The following RBMS1 variants were observed in gnomAD, a reference collection of about 807,000 sequenced individuals.
The protein encoded by RBMS1 is RNA-binding motif, single-stranded-interacting protein 1.
Under a neutral mutation model 62.3 loss-of-function variants are expected in RBMS1, and 17 were observed. That is an observed-to-expected ratio of 0.27 (90% confidence interval 0.19 to 0.41). The LOEUF is 0.41. Ranked by LOEUF, RBMS1 falls within the 10% of genes least tolerant of loss-of-function variation. RBMS1 has a pLI of 1.00. For synonymous variants in RBMS1, 172 were observed against 170.0 expected, an observed-to-expected ratio of 1.01 and a Z score of -0.09; for missense variants, 334 against 504.5, an observed-to-expected ratio of 0.66 and a Z score of 3.24.
chr2:160,479,067 CA>C (rs1685258176), intron 1 of RBMS1, among the ~76,000 whole-genome samples: 1 of 152,108 alleles, frequency 6.6e-6, no homozygotes, highest in Non-Finnish European at 1.5e-5. Context: ...TGTTGTTGAC[CA>C]AACTAATTAC....
intron 2 of RBMS1, among the ~76,000 whole-genome samples, chr2:160,347,262 A>C (rs1299015032): frequency 6.6e-6 from 1 of 152,156 alleles, no homozygotes; most frequent in Non-Finnish European, 1.5e-5. Context: ...AAATGGTTTA[A>C]AGTTTCAGTG....
At chr2:160,464,214 CAT>C (rs1292206544) in intron 1 of RBMS1, among the ~76,000 whole-genome samples, 2 of 152,138 alleles carry the variant, frequency 1.3e-5, no homozygotes, top group Non-Finnish European at 2.9e-5. Flanking sequence ...GGCACCATGA[CAT>C]ATCTGTAACT....
At chr2:160,276,993 T>C (rs1157446970) in intron 12 of RBMS1, among the ~76,000 whole-genome samples, 1 of 152,186 alleles carries the variant, frequency 6.6e-6, no homozygotes, top group East Asian at 1.9e-4. Context: ...TCTTCCTGCC[T>C]CATACTCCTG....
At chr2:160,361,932 C>T (rs907338670) in intron 2 of RBMS1, among the ~76,000 whole-genome samples, 21 of 152,236 alleles carry the variant, frequency 1.4e-4, no homozygotes, top group Admixed American at 2.0e-4. Flanking sequence ...CTGCTGATGG[C>T]TGCTGACTGA....
intron 1 of RBMS1, among the ~76,000 whole-genome samples, chr2:160,404,001 CAA>C (rs909376399): frequency 1.3e-5 from 2 of 152,162 alleles, no homozygotes; most frequent in Non-Finnish European, 2.9e-5. Context: ...TTCATAGCTA[CAA>C]AAGTCCTGAT....
intron 8 of RBMS1, 25 bp from the exon 9 acceptor site, chr2:160,284,893 T>G: frequency 6.4e-7 from 1 of 1,573,960 alleles, no homozygotes; most frequent in Non-Finnish European, 8.7e-7. Context: ...AAAGCCTTTA[T>G]TAAGTAATCC....
chr2:160,376,025 A>G (rs1284760299), intron 1 of RBMS1, among the ~76,000 whole-genome samples: 1 of 152,104 alleles, frequency 6.6e-6, no homozygotes, highest in Non-Finnish European at 1.5e-5. Flanking sequence ...AGGGCTGACA[A>G]CTTCCTCCCA....
At chr2:160,395,568 G>A (rs1481845444) in intron 1 of RBMS1, among the ~76,000 whole-genome samples, 1 of 147,040 alleles carries the variant, frequency 6.8e-6, no homozygotes, top group Non-Finnish European at 1.5e-5. Flanking sequence ...AGCTTGCAGT[G>A]AGCTGAGATC....
At chr2:160,406,496 A>C (rs1214559382) in intron 1 of RBMS1, among the ~76,000 whole-genome samples, 1 of 152,260 alleles carries the variant, frequency 6.6e-6, no homozygotes, top group Non-Finnish European at 1.5e-5. Context: ...TCAGTGGCTA[A>C]GGATGCAGAC....
chr2:160,288,007 G>A (rs1688491870), intron 6 of RBMS1, among the ~76,000 whole-genome samples: 1 of 149,480 alleles, frequency 6.7e-6, no homozygotes. Context: ...AGCAGAAGAT[G>A]TAGAGAATAT....
chr2:160,438,098 C>T (rs1345260166), intron 1 of RBMS1, among the ~76,000 whole-genome samples: 5 of 152,200 alleles, frequency 3.3e-5, no homozygotes, highest in African/African-American at 1.2e-4. Flanking sequence ...TTGATACCCT[C>T]TCTAACTTCT....
At chr2:160,389,124 C>T (rs954453972) in intron 1 of RBMS1, among the ~76,000 whole-genome samples, 2 of 152,218 alleles carry the variant, frequency 1.3e-5, no homozygotes, top group African/African-American at 2.4e-5. Flanking sequence ...AGCACTGTCA[C>T]ACACTGACAA....
intron 1 of RBMS1, among the ~76,000 whole-genome samples, chr2:160,389,558 C>CG (rs1020146539): frequency 5.3e-5 from 8 of 151,660 alleles, no homozygotes; most frequent in African/African-American, 1.5e-4. Flanking sequence ...ATTAGCCAGG[C>CG]GGGGTGGCGC....
chr2:160,286,926 A>G, intron 7 of RBMS1, 43 bp downstream of exon 7: 1 of 1,609,570 alleles, frequency 6.2e-7, no homozygotes, highest in Non-Finnish European at 8.5e-7. Flanking sequence ...ATTCAAGATC[A>G]CACCCCCTCC....
intron 1 of RBMS1, among the ~76,000 whole-genome samples, chr2:160,377,499 G>T (rs1001289035): frequency 1.8e-4 from 28 of 152,182 alleles, no homozygotes; most frequent in Admixed American, 1.1e-3. Flanking sequence ...AGGACTCCTG[G>T]TCTGTGTGAA....
chr2:160,327,546 TATG>T (rs1408900407), intron 2 of RBMS1, among the ~76,000 whole-genome samples: 1 of 152,202 alleles, frequency 6.6e-6, no homozygotes, highest in Non-Finnish European at 1.5e-5. Flanking sequence ...TCAAGTCTAT[TATG>T]ATCTGCAATC....
intron 3 of RBMS1, among the ~76,000 whole-genome samples, chr2:160,314,820 T>C (rs1021031726): frequency 2.0e-5 from 3 of 152,162 alleles, no homozygotes; most frequent in South Asian, 2.1e-4. Context: ...ACTACCAGGT[T>C]AGAAATAAGG....
chr2:160,378,366 C>T (rs1213771841), intron 1 of RBMS1, among the ~76,000 whole-genome samples: 3 of 152,142 alleles, frequency 2.0e-5, no homozygotes, highest in Non-Finnish European at 2.9e-5. Context: ...TGCATCCCAA[C>T]ACTTTGGGAA....
At chr2:160,338,417 C>T (rs939199400) in intron 2 of RBMS1, among the ~76,000 whole-genome samples, 3 of 152,076 alleles carry the variant, frequency 2.0e-5, no homozygotes, top group South Asian at 2.1e-4. Context: ...ACTGTAGTGA[C>T]GAGAGACTAT....
Sources: gnomAD v4.1 joint callset for allele counts (sites outside exome capture counted in the v4.1 genomes callset) on GRCh38, gnomAD v4.1.1 for gene constraint, MANE v1.5 for transcripts, NCBI Gene and HGNC (gene_info 2026-07-23, HGNC 2026-07-21) for gene names.